Variants in SLC75A1 observed in about 807,000 individuals in gnomAD.
SLC75A1 encodes solute carrier family 75 member 1.
At chr4:2,933,628 G>A in the SLC75A1 span, 1 of 1,613,782 alleles carries the variant, frequency 6.2e-7, no homozygotes, top group Non-Finnish European at 8.5e-7. Flanking sequence ...TGGCAAACCA[G>A]TCCACCCCGC....
At chr4:2,934,184 G>A in the SLC75A1 span, 1 of 541,256 alleles carries the variant, frequency 1.8e-6, no homozygotes, top group East Asian at 3.1e-5. Context: ...TGAGAGACCA[G>A]GGTGAGCACA....
At chr4:2,933,139 GCAGT>G in the SLC75A1 span, 1 of 1,613,686 alleles carries the variant, frequency 6.2e-7, no homozygotes, top group Non-Finnish European at 8.5e-7. Context: ...GCCTCCCCAA[GCAGT>G]CAGAGGTGGC....
the SLC75A1 span, chr4:2,933,430 G>A: frequency 9.9e-6 from 10 of 1,008,168 alleles, no homozygotes; most frequent in Non-Finnish European, 1.5e-5. Context: ...GCCAGGACAT[G>A]TGGGCAAGGG....
At chr4:2,933,243 T>C in the SLC75A1 span, 1 of 1,584,290 alleles carries the variant, frequency 6.3e-7, no homozygotes, top group African/African-American at 1.3e-5. Flanking sequence ...TGGGGCTGCC[T>C]GGCACCATGA....
the SLC75A1 span, chr4:2,930,619 A>AAAAC: frequency 4.4e-5 from 26 of 593,262 alleles, no homozygotes; most frequent in South Asian, 3.2e-4. Flanking sequence ...CATAGTTTAA[A>AAAAC]AAACAAACAG....
At chr4:2,930,888 A>G in the SLC75A1 span, 1 of 1,613,064 alleles carries the variant, frequency 6.2e-7, no homozygotes, top group Non-Finnish European at 8.5e-7. Context: ...TGCAGGAGGA[A>G]GAAGGGGAGC....
chr4:2,932,243 G>A, the SLC75A1 span: 1 of 1,547,576 alleles, frequency 6.5e-7, no homozygotes, highest in Admixed American at 2.0e-5. Context: ...CACCAAGAGA[G>A]CGGCCCAGCC....
At chr4:2,931,087 G>A in the SLC75A1 span, 20 of 1,597,294 alleles carry the variant, frequency 1.3e-5, no homozygotes, top group Non-Finnish European at 1.6e-5. Context: ...GGGCCCCGCG[G>A]CCCTGGCCAG....
At chr4:2,932,327 GTGGGTCC>G in the SLC75A1 span, 3 of 1,606,324 alleles carry the variant, frequency 1.9e-6, no homozygotes, top group Admixed American at 1.7e-5. Context: ...CCCTAGGCCT[GTGGGTCC>G]CAGACCACAG....
At chr4:2,930,827 C>T in the SLC75A1 span, 1 of 1,612,610 alleles carries the variant, frequency 6.2e-7, no homozygotes, top group Non-Finnish European at 8.5e-7. Flanking sequence ...AGCCTGGGCA[C>T]AGTGGCTCAG....
chr4:2,933,975 G>A, the SLC75A1 span: 4 of 1,519,510 alleles, frequency 2.6e-6, no homozygotes, highest in African/African-American at 2.7e-5. Context: ...CGGGTTAGCG[G>A]GGAAGCCGAG....
the SLC75A1 span, chr4:2,931,229 T>C: frequency 6.4e-7 from 1 of 1,564,180 alleles, no homozygotes; most frequent in Non-Finnish European, 8.7e-7. Flanking sequence ...GGGCTCACCA[T>C]AGCCAGCGAC....
the SLC75A1 span, chr4:2,931,100 C>T: frequency 1.9e-6 from 3 of 1,593,162 alleles, no homozygotes; most frequent in Non-Finnish European, 2.6e-6. Flanking sequence ...CTGGCCAGAG[C>T]ACCTAGGCTG....
chr4:2,933,210 C>A, the SLC75A1 span: 1 of 1,613,468 alleles, frequency 6.2e-7, no homozygotes, highest in African/African-American at 1.3e-5. Flanking sequence ...CCAATGAGAC[C>A]TGAGAGACAG....
chr4:2,932,009 G>A, the SLC75A1 span: 1 of 1,606,700 alleles, frequency 6.2e-7, no homozygotes, highest in Non-Finnish European at 8.5e-7. Flanking sequence ...GCCCAGGGGA[G>A]AGCAGGCTCC....
the SLC75A1 span, chr4:2,931,374 C>G: frequency 6.5e-7 from 1 of 1,548,800 alleles, no homozygotes; most frequent in Non-Finnish European, 8.7e-7. Flanking sequence ...GGGCCACTCA[C>G]CAAAGGAGTA....
chr4:2,931,166 C>T, the SLC75A1 span: 4 of 1,557,898 alleles, frequency 2.6e-6, no homozygotes, highest in Non-Finnish European at 3.5e-6. Context: ...GGAAGAGGCA[C>T]AGTCAGGCAC....
the SLC75A1 span, chr4:2,933,218 C>T: frequency 6.8e-6 from 11 of 1,612,530 alleles, no homozygotes; most frequent in Non-Finnish European, 9.3e-6. Flanking sequence ...ACCTGAGAGA[C>T]AGATGTCACC....
chr4:2,931,828 C>CTGAA, the SLC75A1 span: 3 of 1,599,834 alleles, frequency 1.9e-6, no homozygotes, highest in Non-Finnish European at 2.6e-6. Context: ...GACCCACCTA[C>CTGAA]TGAACTGGAA....
Sources: gnomAD v4.1 joint callset for allele counts on GRCh38, gnomAD v4.1.1 for gene constraint, MANE v1.5 for transcripts, NCBI Gene and HGNC (gene_info 2026-07-23, HGNC 2026-07-21) for gene names.